The following CRYAB variants were observed in gnomAD, a reference collection of about 807,000 sequenced individuals.
CRYAB encodes alpha-crystallin B chain.
A neutral mutation model predicts 12.7 loss-of-function variants in CRYAB; 9 were observed. The observed-to-expected ratio is 0.71, with a 90% CI of 0.43 to 1.24. The LOEUF (loss-of-function observed/expected upper bound fraction) is 1.24. Ranked by LOEUF, CRYAB falls within the 50% of genes most tolerant of loss-of-function variation. The pLI is 0.00. For missense variants in CRYAB, 183 were observed against 226.6 expected, an observed-to-expected ratio of 0.81 and a Z score of 1.24; for synonymous variants, 93 against 86.8, an observed-to-expected ratio of 1.07 and a Z score of -0.40.
At chr11:111,923,416 G>C (rs77077562) in intron 1 of CRYAB, among the ~76,000 whole-genome samples, 1 of 152,078 alleles carries the variant, frequency 6.6e-6, no homozygotes, top group Non-Finnish European at 1.5e-5. Flanking sequence ...TCTCTCTCTC[G>C]CCCTCTCAAA....
upstream of CRYAB, chr11:111,913,770 T>C (rs1555165909): frequency 6.2e-7 from 1 of 1,614,180 alleles, no homozygotes; most frequent in East Asian, 2.2e-5. Flanking sequence ...TGATGGCATC[T>C]TAAACCTGGA....
At chr11:111,910,799 C>G in intron 1 of CRYAB, 2 of 372,698 alleles carry the variant, frequency 5.4e-6, no homozygotes, top group Non-Finnish European at 1.0e-5. Context: ...GCCTCTTCTT[C>G]TGGCTCAGGT....
At chr11:111,912,686 C>G, upstream of CRYAB, 1 of 526,932 alleles carries the variant, frequency 1.9e-6, no homozygotes, top group East Asian at 4.1e-5. Flanking sequence ...GCCCCTCCCC[C>G]CCCAAGAGGC....
intron 1 of CRYAB, chr11:111,918,964 C>T: frequency 1.2e-6 from 2 of 1,614,204 alleles, no homozygotes; most frequent in Non-Finnish European, 1.7e-6. Flanking sequence ...CCCTTGGAGA[C>T]AGAGCGCCAT....
chr11:111,912,491 C>G (rs1965496814), upstream of CRYAB: 1 of 415,990 alleles, frequency 2.4e-6, no homozygotes, highest in Non-Finnish European at 4.4e-6. Flanking sequence ...TTGTGAGGGT[C>G]TCAGCGAGGC....
chr11:111,913,383 C>A, upstream of CRYAB: 1 of 1,362,970 alleles, frequency 7.3e-7, no homozygotes, highest in South Asian at 1.3e-5. Context: ...TCCCATTTCG[C>A]CCCTGTGCCA....
upstream of CRYAB, chr11:111,912,063 C>G (rs1965480158): frequency 7.0e-6 from 2 of 284,642 alleles, no homozygotes; most frequent in South Asian, 4.9e-5. Context: ...GAATCCCAAG[C>G]AGGCACGCGG....
chr11:111,916,144 T>C (rs1650307239), upstream of CRYAB, among the ~76,000 whole-genome samples: 1 of 152,178 alleles, frequency 6.6e-6, no homozygotes, highest in Non-Finnish European at 1.5e-5. Flanking sequence ...ACAAACACAA[T>C]GGTTTTTTCA....
rs190876185 is a variant in CRYAB at position 111,909,218 on chromosome 11, A to G, written c.325-251T>C. 42 of 570,042 alleles carry G rather than the reference A, an allele frequency of 7.4e-5. No individual in the cohort carries two copies. In the Admixed American group the frequency reaches 8.9e-4, roughly 12 times the overall value. The allele number at this position is 570,042 out of a possible 1,614,324, so 35.3% of individuals were successfully genotyped here. ...TTGTTTTTCAAACCCTGAGGCATAG[A>G]TATGTTTAGGGGTATTTCCCAAAGG... On this transcript the variant is annotated intron_variant, in intron 2 of 2. Coordinates refer to ENST00000650687, the MANE Select transcript of CRYAB (RefSeq NM_001289808.2).
intron 1 of CRYAB, among the ~76,000 whole-genome samples, chr11:111,919,421 C>T (rs1555166338): frequency 1.3e-5 from 2 of 152,014 alleles, no homozygotes; most frequent in Admixed American, 6.6e-5. Context: ...TGCAGTGAGC[C>T]GAGATCGCGC....
upstream of CRYAB, chr11:111,913,358 C>A: frequency 9.3e-7 from 1 of 1,074,702 alleles, no homozygotes; most frequent in South Asian, 1.4e-5. Flanking sequence ...CTTCCCAATC[C>A]CTCCTCTCCA....
In CRYAB at chr11:111,908,574, C is replaced by T; in HGVS notation, c.*190G>A. The stretch of plus-strand genomic sequence containing the variant: ...GCAATCATAAATAGATCTGTGGTAT[C>T]TGTATATTTATTTAAAAGTGTGTGG... On this transcript the variant is annotated 3_prime_UTR_variant, in exon 3 of 3. Transcript: ENST00000650687. 1 of 603,018 alleles carries T rather than the reference C, an allele frequency of 1.7e-6. No individual in the cohort carries two copies. The highest frequency in any genetic ancestry group is 2.9e-5 in the East Asian group (1 of 34,710). The allele number at this position is 603,018 out of a possible 1,614,324, so 37.4% of individuals were successfully genotyped here. A position where few individuals can be genotyped will look rare whatever the true frequency, so the allele number is the denominator to read the frequency against.
rs1965426794 is a variant in CRYAB at position 111,910,737 on chromosome 11, G to C, written c.202-288C>G. On this transcript the variant is annotated intron_variant, in intron 1 of 2. Transcript: ENST00000650687. ...AAGGATGGGTGCAAGCCTGGCATCT[G>C]CTGCCTCTCTGACTCCAATGCCTGG... 1.9e-5 allele frequency: 9 copies of C among 480,540 alleles called. No homozygotes were observed. The South Asian group carries it at 2.0e-4, about 10-fold the overall frequency. The allele number at this position is 480,540 out of a possible 1,614,324, so 29.8% of individuals were successfully genotyped here.
upstream of CRYAB, chr11:111,913,909 A>G: frequency 6.3e-7 from 1 of 1,585,278 alleles, no homozygotes; most frequent in Middle Eastern, 1.7e-4. Flanking sequence ...CCACAGACCC[A>G]GCACCCAGCA....
chr11:111,909,569 A>G (rs914733532), intron 2 of CRYAB, among the ~76,000 whole-genome samples: 6 of 152,278 alleles, frequency 3.9e-5, no homozygotes, highest in East Asian at 1.9e-4. Flanking sequence ...AAGCTGTTCC[A>G]TTTGTCAGAA....
chr11:111,910,646 G>A (rs1376123838), intron 1 of CRYAB, 197 bp from the exon 2 acceptor site: 16 of 685,024 alleles, frequency 2.3e-5, no homozygotes, highest in Non-Finnish European at 4.0e-5. Context: ...AAGGCTCATG[G>A]TGATCAGACC....
chr11:111,918,806 C>G, intron 1 of CRYAB: 5 of 740,738 alleles, frequency 6.8e-6, no homozygotes, highest in Non-Finnish European at 1.2e-5. Flanking sequence ...AACACAGTCA[C>G]CTGGGAATCA....
intron 2 of CRYAB, 98 bp from the exon 3 acceptor site, chr11:111,909,065 C>T: frequency 8.3e-7 from 1 of 1,208,524 alleles, no homozygotes; most frequent in Non-Finnish European, 1.2e-6. Context: ...TTAGGTGAGA[C>T]CAAATGCCAT....
intron 2 of CRYAB, 99 bp downstream of exon 2, chr11:111,910,228 G>T: frequency 6.9e-7 from 1 of 1,447,168 alleles, no homozygotes; most frequent in South Asian, 1.1e-5. Context: ...TATGGCTTGG[G>T]ACTGGAATGT....
Sources: allele counts gnomAD v4.1 joint callset (sites outside exome capture counted in the v4.1 genomes callset), GRCh38; gene constraint gnomAD v4.1.1; transcripts MANE v1.5; gene names NCBI Gene and HGNC (gene_info 2026-07-23, HGNC 2026-07-21).